The following KCNMB2 variants were observed in gnomAD, a reference collection of about 807,000 sequenced individuals.
The protein encoded by KCNMB2 is potassium calcium-activated channel subfamily M regulatory beta subunit 2, also known as calcium-activated potassium channel subunit beta-2.
Under a neutral mutation model 24.5 loss-of-function variants are expected in KCNMB2, and 9 were observed. The observed-to-expected ratio is 0.37, with a 90% CI of 0.22 to 0.64. The LOEUF is 0.64. Ranked by LOEUF, KCNMB2 falls within the 30% of genes least tolerant of loss-of-function variation. The pLI, the probability that KCNMB2 is intolerant of heterozygous loss-of-function variation, is 0.63. For missense variants in KCNMB2, 226 were observed against 284.3 expected, an observed-to-expected ratio of 0.79 and a Z score of 1.47; for synonymous variants, 109 against 104.4, an observed-to-expected ratio of 1.04 and a Z score of -0.27.
At chr3:178,584,389 A>G (rs62284823) in intron 1 of KCNMB2, among the ~76,000 whole-genome samples, 5,610 of 152,196 alleles carry the variant, frequency 0.037, 177 homozygotes, top group Middle Eastern at 0.095. Flanking sequence ...ACTTCATAGG[A>G]GAGATCCTGC....
intron 1 of KCNMB2, among the ~76,000 whole-genome samples, chr3:178,578,036 A>G (rs1717058678): frequency 6.6e-6 from 1 of 152,228 alleles, no homozygotes; most frequent in Non-Finnish European, 1.5e-5. Context: ...AACACCACAA[A>G]GATACTCCTT....
At chr3:178,610,162 T>C (rs1231684660) in intron 1 of KCNMB2, among the ~76,000 whole-genome samples, 1 of 152,238 alleles carries the variant, frequency 6.6e-6, no homozygotes, top group African/African-American at 2.4e-5. Flanking sequence ...AGTACCATGC[T>C]GTTTTGTTTA....
chr3:178,612,563 CTTT>C (rs1718518562), intron 1 of KCNMB2, among the ~76,000 whole-genome samples: 1 of 152,020 alleles, frequency 6.6e-6, no homozygotes, highest in Admixed American at 6.6e-5. Flanking sequence ...GACTCCTGCT[CTTT>C]TTTGTTTTTA....
At chr3:178,625,168 CA>C (rs1178266309) in intron 1 of KCNMB2, among the ~76,000 whole-genome samples, 1 of 152,046 alleles carries the variant, frequency 6.6e-6, no homozygotes, top group Non-Finnish European at 1.5e-5. Context: ...TCCCAGGAGC[CA>C]GGGGGCACCT....
At chr3:178,674,805 C>G (rs1470256220) in intron 1 of KCNMB2, among the ~76,000 whole-genome samples, 17 of 152,200 alleles carry the variant, frequency 1.1e-4, no homozygotes. Flanking sequence ...TTCCACTGCT[C>G]TCCCCTTGCT....
At chr3:178,644,565 G>A (rs1232591451) in intron 1 of KCNMB2, among the ~76,000 whole-genome samples, 1 of 152,222 alleles carries the variant, frequency 6.6e-6, no homozygotes, top group Non-Finnish European at 1.5e-5. Context: ...GATGATTGAG[G>A]AAGGCTAAGA....
intron 1 of KCNMB2, among the ~76,000 whole-genome samples, chr3:178,762,206 G>A (rs1046309408): frequency 2.0e-5 from 3 of 152,160 alleles, no homozygotes; most frequent in Middle Eastern, 3.4e-3. Context: ...GAAAGTAATC[G>A]GAAGAAAAAG....
chr3:178,576,627 G>A (rs1337367703), intron 1 of KCNMB2, among the ~76,000 whole-genome samples: 1 of 152,204 alleles, frequency 6.6e-6, no homozygotes, highest in Non-Finnish European at 1.5e-5. Flanking sequence ...GCAGTCTGAA[G>A]TCGACCTGGG....
chr3:178,612,172 A>G (rs1299877772), intron 1 of KCNMB2, among the ~76,000 whole-genome samples: 1 of 152,178 alleles, frequency 6.6e-6, no homozygotes, highest in East Asian at 1.9e-4. Flanking sequence ...GACCTAATTC[A>G]TAGTCTATCC....
Position 178,584,967 on chromosome 3 carries a change from C to T in KCNMB2, c.-68+48256C>T, listed in dbSNP as rs1402844192. On this transcript the variant is annotated intron_variant, in intron 1 of 4. Transcript: ENST00000452583. ...GTTTACATATTGTGTTTGTGTGCAC[C>T]TATCTACAATGTTCTTTCTTGTAAG... 2.2e-4 allele frequency among the ~76,000 whole-genome samples: 33 copies of T among 152,164 alleles called. 1 individual carries two copies. The highest frequency in any genetic ancestry group is 2.2e-3 in the Admixed American group (33 of 15,272).
chr3:178,791,663 G>C lies in KCNMB2; in HGVS notation c.-67-15680G>C, dbSNP rs192026228. Among the ~76,000 whole-genome samples the C allele has an allele frequency of 3.2e-3, 480 of 152,136 alleles. 5 individuals are homozygous for C. Among genetic ancestry groups the C allele is most frequent in the African/African-American group, 0.011 (465 of 41,534 alleles). On this transcript the variant is annotated intron_variant, in intron 1 of 4. Transcript: ENST00000452583. ...AAACACCAAACAGATTTAACTCAAA[G>C]AAGATTACCTCAAAGCATTTAACAA...
chr3:178,785,385 T>C (rs1467904541), intron 1 of KCNMB2, among the ~76,000 whole-genome samples: 2 of 152,010 alleles, frequency 1.3e-5, no homozygotes, highest in South Asian at 2.1e-4. Context: ...TGAAATATTA[T>C]ACAGTAATAA....
chr3:178,586,842 G>A (rs1717457920), intron 1 of KCNMB2, among the ~76,000 whole-genome samples: 1 of 151,950 alleles, frequency 6.6e-6, no homozygotes, highest in Admixed American at 6.6e-5. Context: ...ACTATGCCCG[G>A]CCCAAAATGC....
chr3:178,767,452 C>T lies in KCNMB2; in HGVS notation c.-67-39891C>T, dbSNP rs565152405. On this transcript the variant is annotated intron_variant, in intron 1 of 4. Transcript: ENST00000452583. ...AGAAGAATGGACCTAGGGAGGATAA[C>T]TTGAAATAGATTTCAACTTTATGAT... Among the ~76,000 whole-genome samples the T allele has an allele frequency of 5.9e-5, 9 of 152,262 alleles. No individual in the cohort carries two copies. In the East Asian group the frequency reaches 7.7e-4, roughly 13 times the overall value.
chr3:178,631,120 T>C (rs1296510094), intron 1 of KCNMB2, among the ~76,000 whole-genome samples: 2 of 152,158 alleles, frequency 1.3e-5, no homozygotes, highest in Non-Finnish European at 2.9e-5. Flanking sequence ...GATTCAGATA[T>C]CTAAACTTTA....
intron 1 of KCNMB2, among the ~76,000 whole-genome samples, chr3:178,598,801 C>T (rs11923925): frequency 0.36 from 55,111 of 151,746 alleles, 10,461 homozygotes; most frequent in African/African-American, 0.49. Context: ...AATCTTGAAG[C>T]TCTTATGTGT....
intron 1 of KCNMB2, among the ~76,000 whole-genome samples, chr3:178,599,172 A>C (rs932266694): frequency 6.6e-6 from 1 of 152,220 alleles, no homozygotes; most frequent in Non-Finnish European, 1.5e-5. Context: ...GTGGTTCACC[A>C]AAGCTCTAAG....
intron 1 of KCNMB2, among the ~76,000 whole-genome samples, chr3:178,639,839 T>C (rs1011477534): frequency 1.3e-5 from 2 of 152,214 alleles, no homozygotes; most frequent in Admixed American, 6.5e-5. Flanking sequence ...AATTAAATGG[T>C]TTTTTCAATT....
At chr3:178,654,210 AT>A (rs1435166634) in intron 1 of KCNMB2, among the ~76,000 whole-genome samples, 1 of 152,010 alleles carries the variant, frequency 6.6e-6, no homozygotes, top group African/African-American at 2.4e-5. Context: ...TCTGGGTTTT[AT>A]GTATTTTCAT....
Sources: allele counts gnomAD v4.1 joint callset (sites outside exome capture counted in the v4.1 genomes callset), GRCh38; gene constraint gnomAD v4.1.1; transcripts MANE v1.5; gene names NCBI Gene and HGNC (gene_info 2026-07-23, HGNC 2026-07-21).